Variants in CPLX2 observed in about 807,000 individuals in gnomAD.
CPLX2 encodes complexin-2.
A neutral mutation model predicts 16.3 loss-of-function variants in CPLX2; 5 were observed. The observed-to-expected ratio is 0.31, with a 90% CI of 0.16 to 0.64. The LOEUF is 0.64. Ranked by LOEUF, CPLX2 falls within the 30% of genes least tolerant of loss-of-function variation. The pLI is 0.79. For synonymous variants in CPLX2, 89 were observed against 73.2 expected (o/e 1.22, Z -1.10); for missense variants, 144 against 181.4 (o/e 0.79, Z 1.18).
chr5:175,870,982 G>A (rs1208939124), upstream of CPLX2, among the ~76,000 whole-genome samples: 1 of 152,100 alleles, frequency 6.6e-6, no homozygotes, highest in Non-Finnish European at 1.5e-5. Flanking sequence ...CCTGGCCAAG[G>A]TCCAGTCCTG....
intron 2 of CPLX2, among the ~76,000 whole-genome samples, chr5:175,856,851 A>G (rs1022557457): frequency 6.6e-6 from 1 of 152,204 alleles, no homozygotes; most frequent in African/African-American, 2.4e-5. Context: ...CAGTAGGACC[A>G]GAGCCTGACC....
At chr5:175,873,802 GTGT>G (rs554698018) in intron 1 of CPLX2, among the ~76,000 whole-genome samples, 77 of 152,274 alleles carry the variant, frequency 5.1e-4, no homozygotes, top group African/African-American at 1.7e-3. Flanking sequence ...TTGGGAATAG[GTGT>G]TGTTGTCTCC....
intron 2 of CPLX2, among the ~76,000 whole-genome samples, chr5:175,834,757 C>T (rs1758795761): frequency 1.3e-5 from 2 of 152,142 alleles, no homozygotes; most frequent in African/African-American, 2.4e-5. Context: ...GTCTGTAGTC[C>T]CAGCTACTCA....
intron 2 of CPLX2, among the ~76,000 whole-genome samples, chr5:175,816,154 G>A (rs1007515040): frequency 4.6e-5 from 7 of 152,086 alleles, no homozygotes; most frequent in African/African-American, 1.7e-4. Flanking sequence ...AAGAGAGTGA[G>A]TGGAGAACTC....
At chr5:175,858,053 AC>A (rs1467648346) in intron 2 of CPLX2, among the ~76,000 whole-genome samples, 1 of 152,240 alleles carries the variant, frequency 6.6e-6, no homozygotes, top group Non-Finnish European at 1.5e-5. Flanking sequence ...AAATGAGGAA[AC>A]TTAGGCTCAG....
chr5:175,798,457 T>C (rs1043193885), intron 1 of CPLX2, among the ~76,000 whole-genome samples: 1 of 152,144 alleles, frequency 6.6e-6, no homozygotes, highest in African/African-American at 2.4e-5. Flanking sequence ...TATGTTATGA[T>C]AAGTATCAAG....
At chr5:175,840,138 T>C (rs1758920110) in intron 2 of CPLX2, among the ~76,000 whole-genome samples, 1 of 152,174 alleles carries the variant, frequency 6.6e-6, no homozygotes, top group African/African-American at 2.4e-5. Context: ...CATAAAACAA[T>C]TACAATACAT....
At chr5:175,804,830 T>C (rs1460841764) in intron 1 of CPLX2, among the ~76,000 whole-genome samples, 1 of 152,212 alleles carries the variant, frequency 6.6e-6, no homozygotes, top group Non-Finnish European at 1.5e-5. Context: ...CCAACCCTGT[T>C]AGATTCTGAC....
Position 175,808,050 on chromosome 5 carries a change from C to T in CPLX2, c.-168-939C>T, listed in dbSNP as rs911477102. Among the ~76,000 whole-genome samples the T allele has an allele frequency of 4.1e-5, 5 of 123,194 alleles. 1 individual carries two copies. The highest frequency in any genetic ancestry group is 2.7e-4 in the Admixed American group (3 of 10,924). 80.8% of individuals were successfully genotyped at this position (123,194 alleles called of 152,430 possible). A position where few individuals can be genotyped will look rare whatever the true frequency, so the allele number is the denominator to read the frequency against. On this transcript the variant is annotated intron_variant, in intron 1 of 4. Transcript: ENST00000359546. ...GGAAATAGAGAGCTGGGGGAGGAGG[C>T]GACAGGTTGTCCTGGGAGGAGGACA...
intron 2 of CPLX2, among the ~76,000 whole-genome samples, chr5:175,860,774 A>C (rs1390921236): frequency 6.6e-6 from 1 of 152,148 alleles, no homozygotes. Flanking sequence ...CTGGCTATGG[A>C]TCTAATGCCC....
At chr5:175,800,603 A>G (rs1758075174) in intron 1 of CPLX2, among the ~76,000 whole-genome samples, 1 of 152,184 alleles carries the variant, frequency 6.6e-6, no homozygotes, top group African/African-American at 2.4e-5. Context: ...GCTTGGGATG[A>G]GACTGACTTA....
In CPLX2 at chr5:175,853,900, C is replaced by A. The variant is rs115147308; in HGVS notation, c.-88-24752C>A. Among the ~76,000 whole-genome samples the A allele has an allele frequency of 1.8e-3, 280 of 152,282 alleles. 2 individuals are homozygous for A. The highest frequency in any genetic ancestry group is 5.5e-3 in the African/African-American group (228 of 41,570). On this transcript the variant is annotated intron_variant, in intron 2 of 4. Coordinates refer to the CPLX2 transcript ENST00000359546. Reference sequence around the variant, plus strand: ...TGTTGAGAGGCTCCCTGAGTTCATGCAGATGAAGAGCTTACAGCACCCCTG... The same window carrying A: ...TGTTGAGAGGCTCCCTGAGTTCATGAAGATGAAGAGCTTACAGCACCCCTG...
chr5:175,836,450 G>A (rs527271306), intron 2 of CPLX2, among the ~76,000 whole-genome samples: 7 of 152,362 alleles, frequency 4.6e-5, no homozygotes, highest in African/African-American at 1.4e-4. Flanking sequence ...TCAGGTGACT[G>A]GAACGAGGCT....
rs1052021951 is a variant in CPLX2 at position 175,849,417 on chromosome 5, C to T, written c.-88-29235C>T. 1.3e-5 allele frequency among the ~76,000 whole-genome samples: 2 copies of T among 152,222 alleles called. No individual in the cohort carries two copies. The highest frequency in any genetic ancestry group is 1.3e-4 in the Admixed American group (2 of 15,288). ...CCAGAATCTTCCTTAGGCCAAGAAA[C>T]ATGGACCCCTCATCTCATACACAGG... is the stretch of plus-strand genomic sequence containing the variant. On this transcript the variant is annotated intron_variant, in intron 2 of 4. Coordinates refer to the CPLX2 transcript ENST00000359546. The surrounding 1 kb of genome is among the most constrained non-coding windows in gnomAD (Gnocchi z 4.4).
At chr5:175,822,521 A>G (rs1361405343) in intron 2 of CPLX2, among the ~76,000 whole-genome samples, 1 of 152,240 alleles carries the variant, frequency 6.6e-6, no homozygotes, top group African/African-American at 2.4e-5. Flanking sequence ...GACTTAAGTG[A>G]CAGAAACCCA....
At chr5:175,800,798 A>C (rs1758079498) in intron 1 of CPLX2, among the ~76,000 whole-genome samples, 3 of 152,374 alleles carry the variant, frequency 2.0e-5, no homozygotes, top group Middle Eastern at 3.4e-3. Context: ...TGGGGCTTAC[A>C]GACCCACAGT....
rs142466842 is a variant in CPLX2 at position 175,846,191 on chromosome 5, A to G, written c.-88-32461A>G. ...GTGGGGGTGAGGCCCAGCACTAGCCATTCTGCACCCCCTGATTCCTGGTCT... is the reference window on the plus strand; with the variant it reads ...GTGGGGGTGAGGCCCAGCACTAGCCGTTCTGCACCCCCTGATTCCTGGTCT... On this transcript the variant is annotated intron_variant, in intron 2 of 4. Transcript: ENST00000359546. Among the ~76,000 whole-genome samples the G allele has an allele frequency of 3.9e-3, 600 of 152,224 alleles. 7 individuals are homozygous for G. The highest frequency in any genetic ancestry group is 7.4e-3 in the Non-Finnish European group (505 of 67,990).
chr5:175,878,870 G>A (rs771987308), intron 2 of CPLX2, 38 bp from the exon 3 acceptor site: 2 of 1,608,932 alleles, frequency 1.2e-6, no homozygotes, highest in South Asian at 1.1e-5. Flanking sequence ...CTGACCCCTA[G>A]CTGACCCCGC....
chr5:175,823,042 CAA>C lies in CPLX2; in HGVS notation c.-89+13981_-89+13982del, dbSNP rs371018355. On this transcript the variant is annotated intron_variant, in intron 2 of 4. Transcript: ENST00000359546. ...TCTTAGCCCTCAGGTGTCATCTCCT[CAA>C]AAAAAAGTCTTCTCTAATCCCTTAA... Among the ~76,000 whole-genome samples the C allele has an allele frequency of 3.3e-3, 508 of 152,168 alleles. 1 individual carries two copies. Among genetic ancestry groups the C allele is most frequent in the Non-Finnish European group, 5.6e-3 (384 of 67,968 alleles).
Sources: allele counts gnomAD v4.1 joint callset (sites outside exome capture counted in the v4.1 genomes callset), GRCh38; gene constraint gnomAD v4.1.1; non-coding constraint Gnocchi (gnomAD v3.1); transcripts MANE v1.5; gene names NCBI Gene and HGNC (gene_info 2026-07-23, HGNC 2026-07-21).